Variants in PLEKHA6 observed in about 807,000 individuals in gnomAD.
PLEKHA6 encodes the protein pleckstrin homology domain-containing family A member 6.
Under a neutral mutation model 116.7 loss-of-function variants are expected in PLEKHA6, and 60 were observed. That is an observed-to-expected ratio of 0.51 (90% confidence interval 0.42 to 0.64). PLEKHA6 has a LOEUF of 0.64. Ranked by LOEUF, PLEKHA6 falls within the 30% of genes least tolerant of loss-of-function variation. The pLI, the probability that PLEKHA6 is intolerant of heterozygous loss-of-function variation, is 0.00. For synonymous variants in PLEKHA6, 489 were observed against 556.1 expected (o/e 0.88, Z 1.70); for missense variants, 1,338 against 1,422.7 (o/e 0.94, Z 0.96).
chr1:204,242,909 CA>C (rs1663036552), intron 15 of PLEKHA6, among the ~76,000 whole-genome samples: 1 of 152,194 alleles, frequency 6.6e-6, no homozygotes, highest in South Asian at 2.1e-4. Flanking sequence ...CTACAGAAAG[CA>C]AAAAGGCACA....
At chr1:204,376,824 C>T (rs565081851) in intron 1 of PLEKHA6, among the ~76,000 whole-genome samples, 11 of 152,328 alleles carry the variant, frequency 7.2e-5, no homozygotes, top group Non-Finnish European at 1.2e-4. Context: ...CAGTCCAAGA[C>T]GCTGTGCTTC....
In PLEKHA6 at chr1:204,282,750, C is replaced by G. The variant is rs554193209; in HGVS notation, c.-94-7941G>C. ...CTTCACCCTGACCCAAATTGGAGAA[C>G]TGGGGCAATCCAGCTCCCTGGAGCT... On this transcript the variant is annotated intron_variant, in intron 1 of 22. Transcript: ENST00000272203. 5.1e-6 allele frequency: 5 copies of G among 985,348 alleles called. No individual in the cohort carries two copies. The African/African-American group carries it at 5.2e-5, about 10-fold the overall frequency. 61.0% of individuals were successfully genotyped at this position (985,348 alleles called of 1,614,324 possible).
chr1:204,319,324 T>C (rs150819132), intron 1 of PLEKHA6, among the ~76,000 whole-genome samples: 1 of 152,342 alleles, frequency 6.6e-6, no homozygotes, highest in Non-Finnish European at 1.5e-5. Context: ...TCCTTACAAA[T>C]GAGAGCTGGC....
At chr1:204,312,387 C>T (rs929658075) in intron 1 of PLEKHA6, among the ~76,000 whole-genome samples, 1 of 152,180 alleles carries the variant, frequency 6.6e-6, no homozygotes, top group African/African-American at 2.4e-5. Context: ...GAAACAAGAG[C>T]AAAACCATTC....
chr1:204,328,272 G>A (rs4460702), intron 1 of PLEKHA6, among the ~76,000 whole-genome samples: 26,011 of 151,574 alleles, frequency 0.17, 3,018 homozygotes, highest in East Asian at 0.58. Context: ...AGTAGAGACG[G>A]GGTTTCTCTA....
intron 1 of PLEKHA6, among the ~76,000 whole-genome samples, chr1:204,338,040 T>G (rs1672714358): frequency 6.6e-6 from 1 of 152,194 alleles, no homozygotes; most frequent in African/African-American, 2.4e-5. Flanking sequence ...TTCTCTCCAT[T>G]TACAGATGAG....
intron 1 of PLEKHA6, among the ~76,000 whole-genome samples, chr1:204,352,977 C>A (rs888266125): frequency 1.3e-5 from 2 of 152,010 alleles, no homozygotes; most frequent in African/African-American, 4.8e-5. Flanking sequence ...AGAGTGAGGC[C>A]CCATCTCAAA....
chr1:204,329,841 G>A (rs1672384055), intron 1 of PLEKHA6, among the ~76,000 whole-genome samples: 1 of 151,626 alleles, frequency 6.6e-6, no homozygotes, highest in Non-Finnish European at 1.5e-5. Flanking sequence ...GATCACTTGA[G>A]GCCAGGAGTT....
intron 21 of PLEKHA6, among the ~76,000 whole-genome samples, chr1:204,227,261 T>C (rs1178511797): frequency 6.6e-6 from 1 of 152,186 alleles, no homozygotes; most frequent in Non-Finnish European, 1.5e-5. Context: ...CTCTTAACTG[T>C]GGCCTTCAAA....
At position 204,229,122 on chromosome 1, in the gene PLEKHA6, C is replaced by G; in HGVS notation, c.2584-18G>C. The G allele has an allele frequency of 1.9e-6, 3 of 1,606,778 alleles. No homozygotes were observed. The highest frequency in any genetic ancestry group is 1.7e-5 in the Admixed American group (1 of 59,978). On this transcript the variant is annotated intron_variant, in intron 18 of 22. Coordinates refer to ENST00000272203, the MANE Select transcript of PLEKHA6 (RefSeq NM_014935.5). The stretch of plus-strand genomic sequence containing the variant: ...CGGCGCACCTAGGGGACAGCAGCAT[C>G]GTGATTGCACCATGGCTACCCATGC...
chr1:204,330,246 G>A (rs116487278), intron 1 of PLEKHA6, among the ~76,000 whole-genome samples: 387 of 152,230 alleles, frequency 2.5e-3, no homozygotes, highest in Non-Finnish European at 3.8e-3. Flanking sequence ...TGATCTGCCC[G>A]CCTTGACCTC....
chr1:204,348,714 A>ACCCCCCCCCCCTCTCCC (rs3038282), intron 1 of PLEKHA6, among the ~76,000 whole-genome samples: 1 of 136,642 alleles, frequency 7.3e-6, no homozygotes, highest in Non-Finnish European at 1.5e-5. Context: ...CAGGTGCCAA[A>ACCCCCCCCCCCTCTCCC]CCCCCCCCCC....
rs1026898894 is a variant in PLEKHA6 at position 204,228,673 on chromosome 1, G to A, written c.2885+55C>T. On this transcript the variant is annotated intron_variant, in intron 20 of 22. Transcript: ENST00000272203. This position sits in a 1 kb window ranked among gnomAD's most constrained non-coding sequence, Gnocchi z 4.0. Reference sequence around the variant, plus strand: ...CCCCCAACGACTTCTAGTGGCCCAGGTGTCCTAGGTGCCAGGGTGAGCAGA... The same window carrying A: ...CCCCCAACGACTTCTAGTGGCCCAGATGTCCTAGGTGCCAGGGTGAGCAGA... The A allele has an allele frequency of 1.7e-5, 27 of 1,574,574 alleles. No individual in the cohort carries two copies. The Admixed American group carries it at 4.0e-4, about 23-fold the overall frequency.
At chr1:204,255,257 C>T (rs950150256) in intron 9 of PLEKHA6, among the ~76,000 whole-genome samples, 4 of 152,166 alleles carry the variant, frequency 2.6e-5, no homozygotes, top group Non-Finnish European at 5.9e-5. Context: ...AACTAAATCC[C>T]TAGCATTTTA....
chr1:204,236,013 AGG>A, intron 17 of PLEKHA6, among the ~76,000 whole-genome samples: 1 of 152,330 alleles, frequency 6.6e-6, no homozygotes, highest in South Asian at 2.1e-4. Context: ...CCTAGAGGTG[AGG>A]TTGAGAGTGT....
chr1:204,357,017 T>G (rs1358040890), intron 1 of PLEKHA6, among the ~76,000 whole-genome samples: 1 of 152,212 alleles, frequency 6.6e-6, no homozygotes, highest in Non-Finnish European at 1.5e-5. Context: ...GAAATGATCA[T>G]GTAAAATATA....
intron 1 of PLEKHA6, among the ~76,000 whole-genome samples, chr1:204,323,814 CT>C (rs1375128756): frequency 2.0e-5 from 3 of 152,182 alleles, no homozygotes; most frequent in African/African-American, 7.2e-5. Context: ...TCACAACAGC[CT>C]TTTGAGATGG....
At chr1:204,233,342 A>AT (rs143142208) in intron 17 of PLEKHA6, among the ~76,000 whole-genome samples, 8,513 of 132,886 alleles carry the variant, frequency 0.064, 941 homozygotes, top group African/African-American at 0.22. Context: ...CACCTGGCTA[A>AT]TTTTTTTTTT....
At chr1:204,256,366 T>C (rs913758949) in intron 9 of PLEKHA6, among the ~76,000 whole-genome samples, 1 of 152,276 alleles carries the variant, frequency 6.6e-6, no homozygotes, top group South Asian at 2.1e-4. Flanking sequence ...GAAAATTTTT[T>C]CTTCCTCAAT....
Sources: allele counts gnomAD v4.1 joint callset (sites outside exome capture counted in the v4.1 genomes callset), GRCh38; gene constraint gnomAD v4.1.1; non-coding constraint Gnocchi (gnomAD v3.1); transcripts MANE v1.5; gene names NCBI Gene and HGNC (gene_info 2026-07-23, HGNC 2026-07-21).